SP140L: variants seen among roughly 807,000 people sequenced by gnomAD.
SP140L encodes SP140 like nuclear body protein, also known as nuclear body protein SP140-like protein.
Under a neutral mutation model 84.3 loss-of-function variants are expected in SP140L, and 64 were observed. The ratio of observed to expected loss-of-function variants is 0.76; its 90% CI spans 0.62 to 0.94. The LOEUF (loss-of-function observed/expected upper bound fraction) is 0.94, where lower values mean the gene tolerates loss of function less well. SP140L is among the 40% of genes least tolerant of loss of function. SP140L has a pLI of 0.00. For synonymous variants in SP140L, 242 were observed against 236.9 expected, an observed-to-expected ratio of 1.02 and a Z score of -0.20; for missense variants, 628 against 692.5, an observed-to-expected ratio of 0.91 and a Z score of 1.05.
Position 230,388,635 on chromosome 2 carries a change from TAAAAA to T in SP140L, c.859+4_859+8del. 1 of 1,602,878 alleles carries T rather than the reference TAAAAA, an allele frequency of 6.2e-7. No homozygotes were observed. Among genetic ancestry groups the T allele is most frequent in the Non-Finnish European group, 8.5e-7 (1 of 1,175,474 alleles). ...CACAGAAAAGAGTCCGATCAAGAGG[TAAAAA>T]AGAAAAGAGGAATGCACTTTCAATA... On this transcript the variant is annotated splice_donor_5th_base_variant and intron_variant, in intron 10 of 18. Transcript: ENST00000415673.
At chr2:230,361,790 A>C in intron 5 of SP140L, 93 bp downstream of exon 5, 2 of 942,222 alleles carry the variant, frequency 2.1e-6, no homozygotes, top group Non-Finnish European at 3.3e-6. Context: ...GGAAATTGTG[A>C]AACAGGGAAG....
At position 230,383,990 on chromosome 2, in the gene SP140L, T is replaced by C. The variant is rs147205329; in HGVS notation, c.703+415T>C. Among the ~76,000 whole-genome samples, 1,407 of 152,282 alleles carry C rather than the reference T, an allele frequency of 9.2e-3. 9 individuals carry two copies. The highest frequency in any genetic ancestry group is 0.016 in the Non-Finnish European group (1,096 of 68,022). On this transcript the variant is annotated intron_variant, in intron 8 of 18. Transcript: ENST00000415673. ...ATTTATACTTGTGAAAGTATGTTTT[T>C]ATGTATCTATCAATCCTTACATAGA...
At chr2:230,389,042 TA>T (rs1409489163) in intron 10 of SP140L, among the ~76,000 whole-genome samples, 2 of 152,226 alleles carry the variant, frequency 1.3e-5, no homozygotes, top group African/African-American at 4.8e-5. Flanking sequence ...TTTGGCTTTT[TA>T]AAAAATCTTT....
chr2:230,370,939 G>A lies in SP140L; in HGVS notation c.555G>A (p.Lys185=), dbSNP rs1301941458. Residue 185 remains lysine, a synonymous_variant, in exon 6 of 19, where the codon AAG becomes AAA. Coordinates refer to ENST00000415673, the MANE Select transcript of SP140L (RefSeq NM_138402.6). ...TGCCAGAAAGCCCGGAAGCAAGGAA[G>A]GAAAGTGACCAAGCATGTGGCAAAA... ...GEVPESPEAR[K]ESDQACGKMD... is the part of the protein sequence containing the mutation. 1.2e-6 allele frequency: 2 copies of A among 1,613,736 alleles called. No homozygotes were observed. The highest frequency in any genetic ancestry group is 2.7e-5 in the African/African-American group (2 of 74,936).
chr2:230,358,485 C>T (rs1337579718), intron 3 of SP140L, among the ~76,000 whole-genome samples: 3 of 152,112 alleles, frequency 2.0e-5, no homozygotes, highest in Non-Finnish European at 4.4e-5. Flanking sequence ...GTTGGAGATA[C>T]AGAACAGCGA....
chr2:230,402,731 A>G, intron 18 of SP140L, 67 bp from the exon 19 acceptor site: 3 of 1,185,636 alleles, frequency 2.5e-6, no homozygotes. Flanking sequence ...GATCATTCTC[A>G]GTTGAAAGGT....
At chr2:230,344,064 C>G (rs540312692) in intron 2 of SP140L, among the ~76,000 whole-genome samples, 1 of 152,186 alleles carries the variant, frequency 6.6e-6, no homozygotes, top group Non-Finnish European at 1.5e-5. Context: ...GAATCAGGCC[C>G]TGAATATCTT....
At chr2:230,353,464 A>G (rs561333402) in intron 2 of SP140L, among the ~76,000 whole-genome samples, 3 of 152,230 alleles carry the variant, frequency 2.0e-5, no homozygotes, top group African/African-American at 7.2e-5. Flanking sequence ...TAAAAAAACT[A>G]AGGGTGAATT....
At chr2:230,396,567 G>A (rs1408669994) in intron 13 of SP140L, among the ~76,000 whole-genome samples, 190 bp from the exon 14 acceptor site, 2 of 152,186 alleles carry the variant, frequency 1.3e-5, no homozygotes, top group Non-Finnish European at 1.5e-5. Context: ...TTTACATCAG[G>A]TTTCAGTTTG....
intron 6 of SP140L, 23 bp downstream of exon 6, chr2:230,370,990 G>A (rs1167697847): frequency 2.5e-6 from 4 of 1,611,200 alleles, no homozygotes; most frequent in Non-Finnish European, 3.4e-6. Flanking sequence ...GAGGGCTGTG[G>A]GATGGGGTGG....
At chr2:230,331,680 T>C (rs2059728446) in intron 2 of SP140L, among the ~76,000 whole-genome samples, 1 of 152,216 alleles carries the variant, frequency 6.6e-6, no homozygotes, top group South Asian at 2.1e-4. Flanking sequence ...CTTGAGTCCT[T>C]ATTGGGTCAC....
chr2:230,385,449 A>G (rs560249114), intron 9 of SP140L, 145 bp downstream of exon 9: 2 of 669,718 alleles, frequency 3.0e-6, no homozygotes, highest in East Asian at 5.7e-5. Context: ...CAAACCCATT[A>G]GAAGCCAGAG....
At chr2:230,383,657 C>A in intron 8 of SP140L, 82 bp downstream of exon 8, 1 of 1,372,626 alleles carries the variant, frequency 7.3e-7, no homozygotes, top group Non-Finnish European at 1.0e-6. Flanking sequence ...CTGCAGTTCA[C>A]GAGGGCCAGG....
chr2:230,387,015 A>G (rs1193988760), intron 9 of SP140L, among the ~76,000 whole-genome samples: 3 of 152,148 alleles, frequency 2.0e-5, no homozygotes, highest in Admixed American at 1.3e-4. Context: ...AGACCTGGAG[A>G]TGTCCTGGAC....
chr2:230,365,050 CAT>C (rs954939144), intron 5 of SP140L, among the ~76,000 whole-genome samples: 15 of 152,012 alleles, frequency 9.9e-5, no homozygotes, highest in Non-Finnish European at 1.6e-4. Flanking sequence ...GGATTTTTCA[CAT>C]ATGTTTATCA....
chr2:230,335,139 A>G (rs2149679990), intron 2 of SP140L, among the ~76,000 whole-genome samples: 1 of 151,780 alleles, frequency 6.6e-6, no homozygotes, highest in Middle Eastern at 3.4e-3. Flanking sequence ...GCTTTTATTG[A>G]TCCATTACTC....
At chr2:230,395,006 CGGAGTTT>C in intron 13 of SP140L, among the ~76,000 whole-genome samples, 1 of 150,750 alleles carries the variant, frequency 6.6e-6, no homozygotes, top group East Asian at 1.9e-4. Flanking sequence ...TTTTTTGAGA[CGGAGTTT>C]CACTCTTGTC....
chr2:230,359,610 G>A (rs1413962328), intron 4 of SP140L, among the ~76,000 whole-genome samples: 2 of 152,066 alleles, frequency 1.3e-5, no homozygotes, highest in East Asian at 1.9e-4. Context: ...GGTGCCACAG[G>A]GACAATCTGA....
intron 9 of SP140L, among the ~76,000 whole-genome samples, chr2:230,386,285 C>A (rs2061577559): frequency 6.6e-6 from 1 of 152,070 alleles, no homozygotes; most frequent in Non-Finnish European, 1.5e-5. Context: ...TCAATTTTGC[C>A]AGTGAAACTC....
Sources: gnomAD v4.1 joint callset for allele counts (sites outside exome capture counted in the v4.1 genomes callset) on GRCh38, gnomAD v4.1.1 for gene constraint, MANE v1.5 for transcripts, NCBI Gene and HGNC (gene_info 2026-07-23, HGNC 2026-07-21) for gene names.